ACTR3B: variants seen among roughly 807,000 people sequenced by gnomAD.
The protein encoded by ACTR3B is actin related protein 3B, also known as actin-related protein 3B.
In ACTR3B, 8 loss-of-function variants were observed where a neutral mutation model predicts 59.0. That is an observed-to-expected ratio of 0.14 (90% CI 0.08 to 0.24). The LOEUF is 0.24. Among genes scored for constraint, ACTR3B ranks in the 10% least tolerant of loss-of-function variants. The pLI is 1.00. For synonymous variants in ACTR3B, 148 were observed against 197.9 expected, an observed-to-expected ratio of 0.75 and a Z score of 2.12; for missense variants, 245 against 552.3, an observed-to-expected ratio of 0.44 and a Z score of 5.58.
At chr7:152,833,496 T>A (rs149679513) in intron 9 of ACTR3B, among the ~76,000 whole-genome samples, 2,126 of 152,294 alleles carry the variant, frequency 0.014, 50 homozygotes, top group African/African-American at 0.048. Context: ...TGGTGGTCTT[T>A]GGCATGTAAA....
chr7:152,766,000 G>A (rs962950842), intron 1 of ACTR3B, among the ~76,000 whole-genome samples: 2 of 151,252 alleles, frequency 1.3e-5, no homozygotes, highest in Non-Finnish European at 2.9e-5. Flanking sequence ...TATTTTTTTC[G>A]GTCTCTTCAT....
intron 1 of ACTR3B, among the ~76,000 whole-genome samples, chr7:152,781,194 T>G (rs1471361344): frequency 2.4e-5 from 1 of 41,004 alleles, no homozygotes; most frequent in Admixed American, 1.8e-4. Flanking sequence ...GTTTCAGTGG[T>G]TTTTTTTTTT....
chr7:152,825,304 T>TTTTTA (rs10644412), intron 9 of ACTR3B, among the ~76,000 whole-genome samples, 182 bp downstream of exon 9: 21,679 of 151,354 alleles, frequency 0.14, 2,240 homozygotes, highest in African/African-American at 0.3. Context: ...TTAACTAGAA[T>TTTTTA]TTTTATTTTA....
chr7:152,803,281 TAA>T (rs1368665203), intron 4 of ACTR3B, among the ~76,000 whole-genome samples: 4 of 152,150 alleles, frequency 2.6e-5, no homozygotes, highest in Admixed American at 6.5e-5. Flanking sequence ...CTCCTGGGCT[TAA>T]GTGATCCTCC....
chr7:152,800,051 T>C (rs1367042580), intron 2 of ACTR3B, among the ~76,000 whole-genome samples: 2 of 152,264 alleles, frequency 1.3e-5, no homozygotes, highest in African/African-American at 4.8e-5. Flanking sequence ...GGATAAATTT[T>C]AACGGTTTTT....
rs541392989 is a variant in ACTR3B, at chr7:152,782,363, C to T, written c.45-824C>T. ...TGATGAGTCTTCTCGATTTACTTAC[C>T]GCGTTTCAACTTTATTTCCAGCAGA... On this transcript the variant is annotated intron_variant, in intron 1 of 11. Coordinates refer to ENST00000256001, the MANE Select transcript of ACTR3B (RefSeq NM_020445.6). 2.6e-5 allele frequency among the ~76,000 whole-genome samples: 4 copies of T among 151,894 alleles called. No homozygotes were observed. In the East Asian group the frequency reaches 7.7e-4, roughly 29 times the overall value.
intron 1 of ACTR3B, among the ~76,000 whole-genome samples, chr7:152,765,590 AT>A (rs2098107173): frequency 6.6e-6 from 1 of 152,068 alleles, no homozygotes; most frequent in Admixed American, 6.6e-5. Flanking sequence ...GTAATGCAAC[AT>A]TTAAAAAAAT....
At chr7:152,767,027 A>T (rs1200027056) in intron 1 of ACTR3B, among the ~76,000 whole-genome samples, 1 of 150,778 alleles carries the variant, frequency 6.6e-6, no homozygotes, top group Non-Finnish European at 1.5e-5. Flanking sequence ...ACCTCAGGTG[A>T]TCCACCTGCC....
intron 1 of ACTR3B, among the ~76,000 whole-genome samples, chr7:152,766,849 C>G (rs956159544): frequency 4.6e-5 from 7 of 152,056 alleles, no homozygotes; most frequent in Non-Finnish European, 1.0e-4. Context: ...TGCGGCGGCA[C>G]AGTCTCCACT....
chr7:152,820,521 C>T, intron 7 of ACTR3B, 79 bp downstream of exon 7: 1 of 1,509,036 alleles, frequency 6.6e-7, no homozygotes, highest in Non-Finnish European at 8.9e-7. Context: ...TGCCATCATC[C>T]CTGCTCCTCC....
At chr7:152,821,481 A>AG (rs1049934872) in intron 7 of ACTR3B, among the ~76,000 whole-genome samples, 1 of 152,092 alleles carries the variant, frequency 6.6e-6, no homozygotes, top group African/African-American at 2.4e-5. Flanking sequence ...AGAAAAAAAA[A>AG]AAAAGAATTG....
intron 1 of ACTR3B, among the ~76,000 whole-genome samples, chr7:152,781,760 G>C (rs527367558): frequency 6.6e-6 from 1 of 152,236 alleles, no homozygotes; most frequent in Non-Finnish European, 1.5e-5. Context: ...GCTCTCTATT[G>C]CCTCCACCCT....
intron 9 of ACTR3B, among the ~76,000 whole-genome samples, chr7:152,846,367 G>A (rs1337168479): frequency 6.9e-6 from 1 of 145,850 alleles, no homozygotes; most frequent in Admixed American, 6.8e-5. Context: ...TCTAGTGCCC[G>A]GGCTGTAGTC....
intron 1 of ACTR3B, among the ~76,000 whole-genome samples, chr7:152,771,127 C>T (rs2098122961): frequency 6.6e-6 from 1 of 151,490 alleles, no homozygotes; most frequent in Admixed American, 6.6e-5. Context: ...CCATGCCTGG[C>T]TAATTTTTGT....
At chr7:152,835,445 G>A (rs773190080) in intron 9 of ACTR3B, among the ~76,000 whole-genome samples, 1 of 152,174 alleles carries the variant, frequency 6.6e-6, no homozygotes, top group Non-Finnish European at 1.5e-5. Flanking sequence ...GCACATGAAG[G>A]CTATGTTTGC....
chr7:152,822,300 G>C (rs1253834064), intron 7 of ACTR3B, among the ~76,000 whole-genome samples: 1 of 152,212 alleles, frequency 6.6e-6, no homozygotes, highest in African/African-American at 2.4e-5. Context: ...TCCACGGTGT[G>C]CTCAGCGCCA....
chr7:152,850,849 TG>T (rs1426680181), intron 9 of ACTR3B, among the ~76,000 whole-genome samples: 1 of 152,220 alleles, frequency 6.6e-6, no homozygotes, highest in Non-Finnish European at 1.5e-5. Context: ...CAGAGCTGAC[TG>T]GGAGGAGTGC....
At chr7:152,816,021 A>G (rs1309446953) in intron 5 of ACTR3B, among the ~76,000 whole-genome samples, 1 of 149,854 alleles carries the variant, frequency 6.7e-6, no homozygotes. Flanking sequence ...ATTATGGCTC[A>G]CTCTAGCTGC....
chr7:152,774,046 G>T (rs1350628662), intron 1 of ACTR3B, among the ~76,000 whole-genome samples: 1 of 152,152 alleles, frequency 6.6e-6, no homozygotes, highest in Non-Finnish European at 1.5e-5. Flanking sequence ...AGTCAGGCAC[G>T]ATGGGTCCTC....
Sources: allele counts gnomAD v4.1 joint callset (sites outside exome capture counted in the v4.1 genomes callset), GRCh38; gene constraint gnomAD v4.1.1; transcripts MANE v1.5; gene names NCBI Gene and HGNC (gene_info 2026-07-23, HGNC 2026-07-21).